Variants in SLC24A4 observed in about 807,000 individuals in gnomAD.
SLC24A4 encodes the protein solute carrier family 24 member 4, also known as sodium/potassium/calcium exchanger 4.
In SLC24A4, 53 loss-of-function variants were observed where a neutral mutation model predicts 79.0. The ratio of observed to expected loss-of-function variants is 0.67; its 90% CI spans 0.54 to 0.84. SLC24A4 has a LOEUF of 0.84. SLC24A4 is among the 40% of genes least tolerant of loss of function. SLC24A4 has a pLI of 0.00. For missense variants in SLC24A4, 731 were observed against 822.0 expected (o/e 0.89, Z 1.35); for synonymous variants, 323 against 323.8 (o/e 1.00, Z 0.03).
intron 2 of SLC24A4, among the ~76,000 whole-genome samples, chr14:92,352,403 A>G (rs1886946698): frequency 6.6e-6 from 1 of 152,160 alleles, no homozygotes; most frequent in Admixed American, 6.5e-5. Context: ...GTGAATTTAG[A>G]ATGTTTGGAC....
At chr14:92,442,219 T>C (rs1191406138) in intron 5 of SLC24A4, 46 bp downstream of exon 5, 1 of 1,524,040 alleles carries the variant, frequency 6.6e-7, no homozygotes, top group African/African-American at 1.4e-5. Context: ...AGAGAGTCCA[T>C]TTGGTGCCCA....
Position 92,325,969 on chromosome 14 carries a change from A to G in SLC24A4, c.232A>G (p.Thr78Ala), listed in dbSNP as rs150573991. The G allele has an allele frequency of 8.3e-4, 1,326 of 1,605,836 alleles. 6 individuals are homozygous for G. Among genetic ancestry groups the G allele is most frequent in the Middle Eastern group, 4.5e-3 (27 of 6,040 alleles). The change falls in exon 2 of 17, where the codon ACA (threonine) becomes GCA (alanine). Residue 78 changes from threonine (T) to alanine (A), a missense_variant. Coordinates refer to ENST00000532405, the MANE Select transcript of SLC24A4 (RefSeq NM_153646.4). ...TGGGACACAGACAGCCAAGAACTGC[A>G]CAGATCCTGGTAAGAAATCAATTCT... ...VNGTQTAKNC[T>A]DPAIHEFPTD... is the part of the protein sequence containing the mutation.
chr14:92,331,372 CT>C (rs1468727662), intron 2 of SLC24A4, among the ~76,000 whole-genome samples: 1 of 152,228 alleles, frequency 6.6e-6, no homozygotes, highest in Non-Finnish European at 1.5e-5. Context: ...CAGTCTCGAC[CT>C]TCCAGGCTCA....
intron 12 of SLC24A4, among the ~76,000 whole-genome samples, chr14:92,478,653 GT>G (rs1491062628): frequency 6.8e-6 from 1 of 148,126 alleles, no homozygotes; most frequent in Non-Finnish European, 1.5e-5. Flanking sequence ...GCTTTGTTTT[GT>G]TTTTTTTTCC....
chr14:92,347,298 A>G (rs1886595326), intron 2 of SLC24A4, among the ~76,000 whole-genome samples: 1 of 152,204 alleles, frequency 6.6e-6, no homozygotes, highest in African/African-American at 2.4e-5. Flanking sequence ...GAACTTTTCA[A>G]GGAGCCAAAG....
rs74073038 is a variant in SLC24A4 at position 92,413,916 on chromosome 14, G to A, written c.242-19996G>A. Among the ~76,000 whole-genome samples the A allele has an allele frequency of 8.7e-3, 1,328 of 152,286 alleles. 25 individuals carry two copies. The highest frequency in any genetic ancestry group is 0.031 in the African/African-American group (1,273 of 41,556). On this transcript the variant is annotated intron_variant, in intron 2 of 16. Transcript: ENST00000532405. ...TGAATGAGACTTTAAGGAGAGGTAGGGACAGAGGAGAAGGGGTGAGAATCA... is the reference window on the plus strand; with the variant it reads ...TGAATGAGACTTTAAGGAGAGGTAGAGACAGAGGAGAAGGGGTGAGAATCA...
intron 12 of SLC24A4, among the ~76,000 whole-genome samples, chr14:92,478,562 A>G (rs760658539): frequency 6.6e-6 from 1 of 151,896 alleles, no homozygotes; most frequent in Non-Finnish European, 1.5e-5. Flanking sequence ...TCATAATTTT[A>G]TTCCATTCTT....
At chr14:92,419,822 T>G (rs958145928) in intron 2 of SLC24A4, among the ~76,000 whole-genome samples, 20 of 152,346 alleles carry the variant, frequency 1.3e-4, no homozygotes, top group East Asian at 7.7e-4. Context: ...TGAGTTGTTT[T>G]TCCCCAAAAG....
chr14:92,492,079 A>T (rs931784995), intron 15 of SLC24A4, 96 bp from the exon 16 acceptor site: 8 of 1,135,434 alleles, frequency 7.0e-6, no homozygotes. Flanking sequence ...TGTTTTCCTG[A>T]TGAGGGAATG....
rs779597935 is a variant in SLC24A4 at position 92,323,941 on chromosome 14, C to G, written c.111C>G (p.Ser37=). The change falls in exon 1 of 17, where the codon TCC becomes TCG. Residue 37 remains serine, a synonymous_variant. Transcript: ENST00000532405. This position sits in a 1 kb window ranked among gnomAD's most constrained non-coding sequence, Gnocchi z 4.9. ...CAVLALVCCA[S]GLFGSLGHKT... ...TGCTGGCCCTGGTGTGCTGTGCGTCCGGCCTCTTCGGCAGCTTGGGTGGGT... is the reference window on the plus strand; with the variant it reads ...TGCTGGCCCTGGTGTGCTGTGCGTCGGGCCTCTTCGGCAGCTTGGGTGGGT... The G allele has an allele frequency of 1.2e-6, 2 of 1,610,920 alleles. No individual in the cohort carries two copies. Among genetic ancestry groups the G allele is most frequent in the Non-Finnish European group, 1.7e-6 (2 of 1,179,434 alleles).
In SLC24A4 at chr14:92,441,916, G is replaced by A. The variant is rs1595286552; in HGVS notation, c.394-173G>A. ...AGTGGAATGCCTGGTGGAGGCTGGA[G>A]GGCAGATGGCAGAGGGCACACAGCA... On this transcript the variant is annotated intron_variant, in intron 4 of 16. Transcript: ENST00000532405. This position sits in a 1 kb window ranked among gnomAD's most constrained non-coding sequence, Gnocchi z 4.6. Among the ~76,000 whole-genome samples the A allele has an allele frequency of 6.6e-6, 1 of 152,212 alleles. No individual in the cohort carries two copies. The highest frequency in any genetic ancestry group is 1.9e-4 in the East Asian group (1 of 5,194).
intron 11 of SLC24A4, 97 bp from the exon 12 acceptor site, chr14:92,456,307 C>A: frequency 1.6e-6 from 2 of 1,259,070 alleles, no homozygotes; most frequent in African/African-American, 1.5e-5. Context: ...TTCTAGGCAC[C>A]TGTAAGAGCA....
chr14:92,429,103 G>A (rs146156332), intron 2 of SLC24A4, among the ~76,000 whole-genome samples: 148 of 152,184 alleles, frequency 9.7e-4, no homozygotes, highest in African/African-American at 3.3e-3. Flanking sequence ...TCTTATTTCT[G>A]CACAAGATGT....
chr14:92,368,124 A>G (rs1234300854), intron 2 of SLC24A4, among the ~76,000 whole-genome samples: 2 of 152,220 alleles, frequency 1.3e-5, no homozygotes, highest in Non-Finnish European at 2.9e-5. Flanking sequence ...GTTTGATACA[A>G]AATCGCTAAG....
At chr14:92,361,756 G>T (rs1352492568) in intron 2 of SLC24A4, among the ~76,000 whole-genome samples, 1 of 152,124 alleles carries the variant, frequency 6.6e-6, no homozygotes, top group Non-Finnish European at 1.5e-5. Context: ...TGTTTGGGTG[G>T]GGCAGGATGG....
intron 13 of SLC24A4, among the ~76,000 whole-genome samples, 181 bp downstream of exon 13, chr14:92,483,027 C>G (rs1461682788): frequency 2.0e-5 from 3 of 151,962 alleles, no homozygotes; most frequent in Admixed American, 6.6e-5. Context: ...TGTCAGGTAC[C>G]CGGAATGCAG....
At chr14:92,444,344 C>T (rs891187772) in intron 7 of SLC24A4, among the ~76,000 whole-genome samples, 10 of 152,082 alleles carry the variant, frequency 6.6e-5, no homozygotes, top group African/African-American at 1.2e-4. Context: ...TCTCTGAGAC[C>T]GTCTAGTACA....
rs746161275 is a variant in SLC24A4 at position 92,482,854 on chromosome 14, G to T, written c.1422+8G>T. 4 of 1,604,508 alleles carry T rather than the reference G, an allele frequency of 2.5e-6. No individual in the cohort carries two copies. The highest frequency in any genetic ancestry group is 3.4e-5 in the Admixed American group (2 of 59,452). ...TACATCATGGTGTGGCTGGTGAGTG[G>T]GGGGAGCAGGGGGTGGACTGTGTGC... On this transcript the variant is annotated splice_region_variant and intron_variant, in intron 13 of 16. Coordinates refer to ENST00000532405, the MANE Select transcript of SLC24A4 (RefSeq NM_153646.4).
At chr14:92,477,283 G>A (rs780843482) in intron 12 of SLC24A4, among the ~76,000 whole-genome samples, 6 of 152,130 alleles carry the variant, frequency 3.9e-5, no homozygotes, top group Non-Finnish European at 5.9e-5. Context: ...TTGGAGAACT[G>A]TCTATTCAAA....
Sources: gnomAD v4.1 joint callset for allele counts (sites outside exome capture counted in the v4.1 genomes callset) on GRCh38, gnomAD v4.1.1 for gene constraint, Gnocchi (gnomAD v3.1) non-coding constraint, MANE v1.5 for transcripts, NCBI Gene and HGNC (gene_info 2026-07-23, HGNC 2026-07-21) for gene names.